Variants in ANKFN1 observed in about 807,000 individuals in gnomAD.
ANKFN1 encodes the protein ankyrin repeat and fibronectin type III domain containing 1, also known as ankyrin repeat and fibronectin type-III domain-containing protein 1.
ANKFN1 carries 74 observed loss-of-function variants against 108.7 expected under a neutral mutation model. The observed-to-expected ratio is 0.68, with a 90% CI of 0.56 to 0.83. The LOEUF is 0.83. Ranked by LOEUF, ANKFN1 falls within the 40% of genes least tolerant of loss-of-function variation. ANKFN1 has a pLI of 0.00. For synonymous variants in ANKFN1, 547 were observed against 516.2 expected (o/e 1.06, Z -0.81); for missense variants, 1,505 against 1,382.3 (o/e 1.09, Z -1.41).
At chr17:56,432,140 G>A (rs1425808955) in intron 8 of ANKFN1, among the ~76,000 whole-genome samples, 1 of 152,160 alleles carries the variant, frequency 6.6e-6, no homozygotes, top group African/African-American at 2.4e-5. Context: ...AAGAGTTCTT[G>A]CTATTGTTCA....
chr17:56,254,745 C>G (rs566964475), intron 3 of ANKFN1, among the ~76,000 whole-genome samples: 1 of 152,272 alleles, frequency 6.6e-6, no homozygotes, highest in Non-Finnish European at 1.5e-5. Context: ...GACAGAGGTA[C>G]AGCAGAGACC....
chr17:56,476,586 T>G (rs970921773), intron 15 of ANKFN1, among the ~76,000 whole-genome samples: 6 of 152,358 alleles, frequency 3.9e-5, no homozygotes, highest in Non-Finnish European at 8.8e-5. Context: ...GTGAAGCTGA[T>G]GATGTAGAGA....
intron 1 of ANKFN1, among the ~76,000 whole-genome samples, chr17:56,204,494 C>T (rs1160874334): frequency 6.6e-6 from 1 of 151,776 alleles, no homozygotes; most frequent in Non-Finnish European, 1.5e-5. Flanking sequence ...GCGCCCACTA[C>T]CACGCCCAGC....
rs1398417722 is a variant in ANKFN1 at position 56,482,385 on chromosome 17, G to A, written c.2121G>A (p.Glu707=). Residue 707 remains glutamate (E), a synonymous_variant, in exon 18 of 21, where the codon GAG becomes GAA. Transcript: ENST00000682825. ...GGAACTTCCGCCTCTACACACAGGA[G>A]GTGTTGGAAATGGGTCACAATGTGT... ...QARNFRLYTQ[E]VLEMGHNVSF... The A allele has an allele frequency of 6.2e-7, 1 of 1,611,470 alleles. No homozygotes were observed. Among genetic ancestry groups the A allele is most frequent in the Non-Finnish European group, 8.5e-7 (1 of 1,178,696 alleles).
chr17:56,297,850 CTG>C (rs1374567547), intron 3 of ANKFN1, among the ~76,000 whole-genome samples: 1 of 152,168 alleles, frequency 6.6e-6, no homozygotes, highest in Admixed American at 6.5e-5. Flanking sequence ...TATAGAAAAA[CTG>C]TACAACACTG....
chr17:56,204,600 C>T (rs1017718168), intron 1 of ANKFN1, among the ~76,000 whole-genome samples: 2 of 151,782 alleles, frequency 1.3e-5, no homozygotes, highest in African/African-American at 2.4e-5. Flanking sequence ...CTCGGCCTCC[C>T]GAAGTGCTGG....
At chr17:56,140,222 A>G (rs1907838648) in intron 4 of ANKFN1, among the ~76,000 whole-genome samples, 1 of 152,180 alleles carries the variant, frequency 6.6e-6, no homozygotes, top group Non-Finnish European at 1.5e-5. Context: ...CTGACTTTCC[A>G]TAACCTTTTT....
intron 6 of ANKFN1, among the ~76,000 whole-genome samples, chr17:56,354,746 TA>T: frequency 6.6e-6 from 1 of 152,302 alleles, no homozygotes; most frequent in East Asian, 1.9e-4. Context: ...ATCAACTTTT[TA>T]AAAAAATTCC....
rs1915610731 is a variant in ANKFN1 at position 56,218,583 on chromosome 17, T to G, written c.12+5904T>G. Among the ~76,000 whole-genome samples the G allele has an allele frequency of 2.0e-5, 3 of 152,294 alleles. No homozygotes were observed. In the South Asian group the frequency reaches 6.2e-4, roughly 32 times the overall value. On this transcript the variant is annotated intron_variant, in intron 2 of 20. Coordinates refer to ENST00000682825, the MANE Select transcript of ANKFN1 (RefSeq NM_001370326.1). ...ATGTTGTTTTCAGCAAAGAATACTCTTTTCCACCTTTTCTTCTTGCCCAAC... is the reference window on the plus strand; with the variant it reads ...ATGTTGTTTTCAGCAAAGAATACTCGTTTCCACCTTTTCTTCTTGCCCAAC...
At chr17:56,484,401 A>G (rs1399114458) in intron 18 of ANKFN1, among the ~76,000 whole-genome samples, 2 of 152,242 alleles carry the variant, frequency 1.3e-5, no homozygotes, top group African/African-American at 4.8e-5. Context: ...GAAAAAAAAG[A>G]AAAGTTGCCC....
chr17:56,204,824 C>T (rs988586577), intron 1 of ANKFN1, among the ~76,000 whole-genome samples: 46 of 152,008 alleles, frequency 3.0e-4, no homozygotes, highest in Non-Finnish European at 6.2e-4. Flanking sequence ...GCCCGTAATC[C>T]CAGCACTTTG....
chr17:56,276,891 T>A (rs903933603), intron 3 of ANKFN1, among the ~76,000 whole-genome samples: 1 of 152,188 alleles, frequency 6.6e-6, no homozygotes, highest in African/African-American at 2.4e-5. Context: ...ATGCTTTGAA[T>A]GAGATGATTT....
intron 4 of ANKFN1, among the ~76,000 whole-genome samples, chr17:56,329,091 A>G (rs2045595973): frequency 1.3e-5 from 2 of 152,102 alleles, no homozygotes; most frequent in Admixed American, 6.6e-5. Flanking sequence ...TCTCTAAAAA[A>G]GCAAATCTCA....
intron 8 of ANKFN1, among the ~76,000 whole-genome samples, chr17:56,417,778 T>G (rs1346881476): frequency 6.6e-6 from 1 of 152,240 alleles, no homozygotes; most frequent in African/African-American, 2.4e-5. Context: ...TTCCATCATG[T>G]TGCTGACATC....
intron 15 of ANKFN1, among the ~76,000 whole-genome samples, chr17:56,468,188 G>A (rs1170999496): frequency 6.6e-6 from 1 of 152,106 alleles, no homozygotes; most frequent in Non-Finnish European, 1.5e-5. Flanking sequence ...CATATTTTGA[G>A]GTAGAAGTCA....
chr17:56,286,943 C>A, intron 3 of ANKFN1, among the ~76,000 whole-genome samples: 1 of 152,128 alleles, frequency 6.6e-6, no homozygotes, highest in South Asian at 2.1e-4. Flanking sequence ...AAAGGGTCAC[C>A]ATTCTTGTTA....
At chr17:56,329,012 G>T (rs1429845119) in intron 4 of ANKFN1, among the ~76,000 whole-genome samples, 1 of 152,008 alleles carries the variant, frequency 6.6e-6, no homozygotes, top group Non-Finnish European at 1.5e-5. Flanking sequence ...CTCCATACTT[G>T]GTTGTCCCCC....
intron 1 of ANKFN1, among the ~76,000 whole-genome samples, chr17:56,167,272 T>C (rs74448970): frequency 3.4e-3 from 91 of 26,594 alleles, no homozygotes; most frequent in East Asian, 0.015. Context: ...TATATATATA[T>C]ACATATATAT....
chr17:56,218,815 C>A (rs902844631), intron 2 of ANKFN1, among the ~76,000 whole-genome samples: 2 of 152,186 alleles, frequency 1.3e-5, no homozygotes, highest in African/African-American at 2.4e-5. Context: ...AAAAGACTGC[C>A]ATAAAAAGAT....
Sources: allele counts gnomAD v4.1 joint callset (sites outside exome capture counted in the v4.1 genomes callset), GRCh38; gene constraint gnomAD v4.1.1; transcripts MANE v1.5; gene names NCBI Gene and HGNC (gene_info 2026-07-23, HGNC 2026-07-21).